Variants in ESRRB observed in about 807,000 individuals in gnomAD.
ESRRB encodes the protein estrogen related receptor beta.
A neutral mutation model predicts 46.0 loss-of-function variants in ESRRB; 16 were observed. The observed-to-expected ratio is 0.35, with a 90% CI of 0.24 to 0.53. The LOEUF (loss-of-function observed/expected upper bound fraction) is 0.53, where lower values mean the gene tolerates loss of function less well. ESRRB is among the 20% of genes least tolerant of loss of function. ESRRB has a pLI of 0.93. For synonymous variants in ESRRB, 246 were observed against 259.6 expected (o/e 0.95, Z 0.50); for missense variants, 488 against 607.4 (o/e 0.80, Z 2.07).
At chr14:76,420,562 T>TGTGTGA (rs1886901257) in intron 1 of ESRRB, among the ~76,000 whole-genome samples, 1 of 122,058 alleles carries the variant, frequency 8.2e-6, no homozygotes, top group South Asian at 3.1e-4. Context: ...GGTGTGAGTG[T>TGTGTGA]GTGTGTGTGT....
chr14:76,330,504 C>A (rs1169499768), intron 1 of ESRRB, among the ~76,000 whole-genome samples: 1 of 152,356 alleles, frequency 6.6e-6, no homozygotes, highest in East Asian at 1.9e-4. Flanking sequence ...TGGCCGCTGG[C>A]CCTGGTTGCC....
Position 76,462,679 on chromosome 14 carries a change from G to A in ESRRB, c.577+18G>A. ...GAAGGAAGGTAAGAGACCCCACCGA[G>A]TCGGGGTTCACTGTGAGGCTCTGCT... On this transcript the variant is annotated intron_variant, in intron 3 of 6. Transcript: ENST00000644823. 6.3e-7 allele frequency: 1 copy of A among 1,580,146 alleles called. No homozygotes were observed. The highest frequency in any genetic ancestry group is 1.1e-5 in the South Asian group (1 of 90,430).
At chr14:76,418,864 C>T (rs950065227) in intron 1 of ESRRB, among the ~76,000 whole-genome samples, 1 of 152,050 alleles carries the variant, frequency 6.6e-6, no homozygotes, top group Non-Finnish European at 1.5e-5. Flanking sequence ...GATCCGCCCA[C>T]CTTGGCCTCC....
chr14:76,316,694 C>G (rs1883804409), intron 1 of ESRRB, among the ~76,000 whole-genome samples: 1 of 152,062 alleles, frequency 6.6e-6, no homozygotes, highest in Admixed American at 6.5e-5. Context: ...GGTCCTTGCC[C>G]CTATCCTTCT....
intron 3 of ESRRB, among the ~76,000 whole-genome samples, chr14:76,476,723 G>C (rs1227899978): frequency 6.6e-6 from 1 of 151,216 alleles, no homozygotes; most frequent in Non-Finnish European, 1.5e-5. Context: ...AAAGTTCTCA[G>C]CCATGGCGGC....
At chr14:76,350,244 G>T (rs1419987617) in intron 1 of ESRRB, among the ~76,000 whole-genome samples, 1 of 152,202 alleles carries the variant, frequency 6.6e-6, no homozygotes, top group Non-Finnish European at 1.5e-5. Flanking sequence ...TCTCACTAAA[G>T]CATGTCCGCC....
At chr14:76,405,396 G>T (rs546196015) in intron 1 of ESRRB, among the ~76,000 whole-genome samples, 1 of 152,282 alleles carries the variant, frequency 6.6e-6, no homozygotes, top group Admixed American at 6.5e-5. Context: ...ACAGGTGTGA[G>T]CCACTGTGCC....
rs1398812336 is a variant in ESRRB, at chr14:76,424,790, G to T, written c.51-14551G>T. On this transcript the variant is annotated intron_variant, in intron 1 of 6. Transcript: ENST00000644823. Reference sequence around the variant, plus strand: ...GTCACTCTGTTGCCCAGACTGGAGTGCAGTGGCACAATCTTGGCTCACTGC... The same window carrying T: ...GTCACTCTGTTGCCCAGACTGGAGTTCAGTGGCACAATCTTGGCTCACTGC... Among the ~76,000 whole-genome samples, 38 of 152,182 alleles carry T rather than the reference G, an allele frequency of 2.5e-4. 1 individual carries two copies. The highest frequency in any genetic ancestry group is 2.5e-3 in the Admixed American group (38 of 15,280).
chr14:76,395,385 G>A (rs552933473), intron 1 of ESRRB, among the ~76,000 whole-genome samples: 8 of 152,190 alleles, frequency 5.3e-5, no homozygotes, highest in Admixed American at 2.6e-4. Context: ...GGGCTGCAGC[G>A]GGGCGTGTGG....
At chr14:76,387,165 T>A (rs1305987019) in intron 1 of ESRRB, among the ~76,000 whole-genome samples, 1 of 152,148 alleles carries the variant, frequency 6.6e-6, no homozygotes, top group Non-Finnish European at 1.5e-5. Context: ...ACTCCAAACC[T>A]GAAGCAGAGC....
Position 76,376,390 on chromosome 14 carries a change from A to G in ESRRB, c.-12A>G, listed in dbSNP as rs915002834. 26 of 1,231,584 alleles carry G rather than the reference A, an allele frequency of 2.1e-5. No individual in the cohort carries two copies. In the Admixed American group the frequency reaches 2.5e-4, roughly 12 times the overall value. The allele number at this position is 1,231,584 out of a possible 1,614,324, so 76.3% of individuals were successfully genotyped here. A position where few individuals can be genotyped will look rare whatever the true frequency, so the allele number is the denominator to read the frequency against. On this transcript the variant is annotated 5_prime_UTR_variant, in exon 1 of 7. An upstream open reading frame in the 5' UTR loses its in-frame stop. Transcript: ENST00000644823. The surrounding 1 kb of genome is among the most constrained non-coding windows in gnomAD (Gnocchi z 4.1). ...TCTTTCTCTACCAACTGGGAATGCT[A>G]AAACGGGACTGATGGACGTGTCCGA...
At chr14:76,336,216 G>T (rs1884124738) in intron 1 of ESRRB, among the ~76,000 whole-genome samples, 1 of 152,164 alleles carries the variant, frequency 6.6e-6, no homozygotes, top group Non-Finnish European at 1.5e-5. Flanking sequence ...CATCCTCCAG[G>T]AATCATGGAA....
At chr14:76,363,570 G>T (rs982157819) in intron 1 of ESRRB, among the ~76,000 whole-genome samples, 1 of 152,162 alleles carries the variant, frequency 6.6e-6, no homozygotes, top group Non-Finnish European at 1.5e-5. Context: ...TCAGCGCTGA[G>T]AGCACACCTC....
At chr14:76,427,335 CTGTG>C (rs34441473) in intron 1 of ESRRB, among the ~76,000 whole-genome samples, 8,929 of 148,892 alleles carry the variant, frequency 0.06, 819 homozygotes, top group African/African-American at 0.21. Flanking sequence ...TCTGCAGGAG[CTGTG>C]TGTGTGTGTG....
At chr14:76,421,870 G>T (rs1011529106) in intron 1 of ESRRB, among the ~76,000 whole-genome samples, 16 of 152,196 alleles carry the variant, frequency 1.1e-4, no homozygotes, top group South Asian at 2.1e-4. Context: ...GCGCTGGTAG[G>T]GGGTGGCTCT....
At chr14:76,449,286 T>C (rs1255162889) in intron 2 of ESRRB, among the ~76,000 whole-genome samples, 58 of 152,140 alleles carry the variant, frequency 3.8e-4, no homozygotes, top group Non-Finnish European at 4.4e-5. Flanking sequence ...GCATGGTGGC[T>C]CATGCCTGTA....
intron 6 of ESRRB, among the ~76,000 whole-genome samples, chr14:76,492,203 G>A (rs79486532): frequency 2.2e-3 from 338 of 152,214 alleles, no homozygotes; most frequent in African/African-American, 7.7e-3. Context: ...TTGTTCTGTC[G>A]CCCAGGTAGG....
intron 1 of ESRRB, among the ~76,000 whole-genome samples, chr14:76,432,507 C>G (rs1355907091): frequency 6.6e-6 from 1 of 152,182 alleles, no homozygotes; most frequent in African/African-American, 2.4e-5. Flanking sequence ...CACTCCCTGT[C>G]CCTCCTACTT....
At chr14:76,458,465 C>G (rs1158273146) in intron 2 of ESRRB, among the ~76,000 whole-genome samples, 1 of 80,626 alleles carries the variant, frequency 1.2e-5, no homozygotes, top group African/African-American at 5.4e-5. Flanking sequence ...CACACACACA[C>G]ACACAAACAC....
Sources: allele counts gnomAD v4.1 joint callset (sites outside exome capture counted in the v4.1 genomes callset), GRCh38; gene constraint gnomAD v4.1.1; non-coding constraint Gnocchi (gnomAD v3.1); transcripts MANE v1.5; gene names NCBI Gene and HGNC (gene_info 2026-07-23, HGNC 2026-07-21).